MARCHF1: variants seen among roughly 807,000 people sequenced by gnomAD.
MARCHF1 encodes membrane associated ring-CH-type finger 1, also known as E3 ubiquitin-protein ligase MARCHF1.
A neutral mutation model predicts 54.2 loss-of-function variants in MARCHF1; 40 were observed. The observed-to-expected ratio is 0.74, with a 90% CI of 0.57 to 0.96. The LOEUF is 0.96. Ranked by LOEUF, MARCHF1 falls within the 40% of genes least tolerant of loss-of-function variation. The pLI is 0.00. For synonymous variants in MARCHF1, 236 were observed against 236.3 expected, an observed-to-expected ratio of 1.00 and a Z score of 0.01; for missense variants, 586 against 656.5, an observed-to-expected ratio of 0.89 and a Z score of 1.17.
chr4:163,761,421 T>C (rs1260490760), intron 4 of MARCHF1, among the ~76,000 whole-genome samples: 1 of 152,212 alleles, frequency 6.6e-6, no homozygotes, highest in Non-Finnish European at 1.5e-5. Context: ...TCTTGCTATC[T>C]GTGACCTTGA....
At chr4:163,714,547 A>G (rs1461617651) in intron 4 of MARCHF1, among the ~76,000 whole-genome samples, 1 of 152,268 alleles carries the variant, frequency 6.6e-6, no homozygotes, top group African/African-American at 2.4e-5. Context: ...TGCCTGGAAT[A>G]TCACAGATGT....
At chr4:164,011,200 T>G (rs1384911192) in intron 2 of MARCHF1, among the ~76,000 whole-genome samples, 2 of 152,196 alleles carry the variant, frequency 1.3e-5, no homozygotes, top group African/African-American at 2.4e-5. Context: ...TCCTGGACAT[T>G]GGTGTGGGCA....
chr4:163,880,983 G>C (rs1019462470), intron 3 of MARCHF1, among the ~76,000 whole-genome samples: 1 of 152,100 alleles, frequency 6.6e-6, no homozygotes, highest in African/African-American at 2.4e-5. Context: ...GAAGACAGAA[G>C]TACTTTTAAA....
At chr4:163,954,148 A>G (rs955565782) in intron 3 of MARCHF1, among the ~76,000 whole-genome samples, 10 of 152,316 alleles carry the variant, frequency 6.6e-5, no homozygotes, top group African/African-American at 2.4e-4. Flanking sequence ...TGTGAAAGGT[A>G]AAATGATTCT....
intron 4 of MARCHF1, among the ~76,000 whole-genome samples, chr4:163,721,640 C>T (rs1317547232): frequency 6.6e-6 from 1 of 152,134 alleles, no homozygotes. Context: ...TAGAATTCGG[C>T]TGTAAATCCA....
At chr4:163,531,916 T>G (rs1470585067) in intron 9 of MARCHF1, among the ~76,000 whole-genome samples, 1 of 151,866 alleles carries the variant, frequency 6.6e-6, no homozygotes, top group East Asian at 1.9e-4. Context: ...TGAGAAAAAC[T>G]ATGAAGCTAT....
intron 3 of MARCHF1, among the ~76,000 whole-genome samples, chr4:163,946,388 C>A (rs11934432): frequency 0.1 from 15,647 of 152,040 alleles, 872 homozygotes; most frequent in Non-Finnish European, 0.12. Context: ...AGATCCCATA[C>A]TATCATCTCT....
At chr4:164,262,107 GAAAA>G (rs1184867700) in intron 1 of MARCHF1, among the ~76,000 whole-genome samples, 3 of 72,266 alleles carry the variant, frequency 4.2e-5, no homozygotes, top group Non-Finnish European at 9.9e-5. Flanking sequence ...CCTATCTTAA[GAAAA>G]AAAAAAAAAA....
intron 1 of MARCHF1, among the ~76,000 whole-genome samples, chr4:164,141,030 A>AATAGGGT (rs1458831539): frequency 3.9e-5 from 6 of 152,166 alleles, no homozygotes; most frequent in Non-Finnish European, 1.5e-5. Context: ...TTTTCCTATA[A>AATAGGGT]CCTGATAGTA....
intron 4 of MARCHF1, among the ~76,000 whole-genome samples, chr4:163,777,456 T>C (rs1367919118): frequency 6.6e-6 from 1 of 152,148 alleles, no homozygotes; most frequent in Non-Finnish European, 1.5e-5. Flanking sequence ...GGACTTCTAT[T>C]ATAAGGCATT....
chr4:163,936,099 A>T (rs983785995), intron 3 of MARCHF1, among the ~76,000 whole-genome samples: 3 of 152,254 alleles, frequency 2.0e-5, no homozygotes, highest in Admixed American at 2.0e-4. Context: ...AGGGAGAGAG[A>T]CAGGGGAAGG....
intron 3 of MARCHF1, among the ~76,000 whole-genome samples, chr4:163,860,135 T>C (rs72685643): frequency 0.1 from 15,482 of 152,080 alleles, 834 homozygotes; most frequent in African/African-American, 0.14. Flanking sequence ...CCCAAAAATA[T>C]GGAGAGAGGA....
chr4:164,334,251 A>T (rs916200834), intron 1 of MARCHF1, among the ~76,000 whole-genome samples: 2 of 152,224 alleles, frequency 1.3e-5, no homozygotes, highest in Non-Finnish European at 2.9e-5. Context: ...AGGAAACGCC[A>T]TTAGGAGTTT....
chr4:163,949,599 G>A (rs1752092796), intron 3 of MARCHF1, among the ~76,000 whole-genome samples: 1 of 152,238 alleles, frequency 6.6e-6, no homozygotes, highest in Non-Finnish European at 1.5e-5. Flanking sequence ...GGGTAAGCAA[G>A]ATGAAGCGGG....
intron 7 of MARCHF1, among the ~76,000 whole-genome samples, chr4:163,609,730 A>T (rs1161925643): frequency 6.6e-6 from 1 of 151,676 alleles, no homozygotes; most frequent in Non-Finnish European, 1.5e-5. Flanking sequence ...AAGGAATATT[A>T]TGTAGAACCC....
chr4:164,005,008 C>T (rs537436783), intron 2 of MARCHF1, among the ~76,000 whole-genome samples: 3 of 151,552 alleles, frequency 2.0e-5, no homozygotes, highest in Admixed American at 2.0e-4. Context: ...TATTGGTAAA[C>T]TGGAAAAAAC....
chr4:164,135,000 TC>T (rs1328818216), intron 1 of MARCHF1, among the ~76,000 whole-genome samples: 2 of 152,202 alleles, frequency 1.3e-5, no homozygotes, highest in African/African-American at 4.8e-5. Context: ...TTTTATTTTG[TC>T]CTTTGAAGAA....
At chr4:164,168,100 G>C (rs1159663518) in intron 1 of MARCHF1, among the ~76,000 whole-genome samples, 1 of 151,858 alleles carries the variant, frequency 6.6e-6, no homozygotes, top group Non-Finnish European at 1.5e-5. Context: ...TGAAAAATGG[G>C]CAAAGGATCT....
intron 3 of MARCHF1, among the ~76,000 whole-genome samples, chr4:163,907,742 A>G (rs929199269): frequency 7.2e-5 from 11 of 152,124 alleles, no homozygotes; most frequent in Non-Finnish European, 1.6e-4. Context: ...CATTTCTCCT[A>G]TCTAGACACT....
Sources: allele counts gnomAD v4.1 joint callset (sites outside exome capture counted in the v4.1 genomes callset), GRCh38; gene constraint gnomAD v4.1.1; transcripts MANE v1.5; gene names NCBI Gene and HGNC (gene_info 2026-07-23, HGNC 2026-07-21).